The following GMDS variants were observed in gnomAD, a reference collection of about 807,000 sequenced individuals.
GMDS encodes the protein GDP-mannose 4,6-dehydratase, also known as GDP-mannose 4,6 dehydratase.
Under a neutral mutation model 49.9 loss-of-function variants are expected in GMDS, and 20 were observed. The ratio of observed to expected loss-of-function variants is 0.40; its 90% CI spans 0.28 to 0.58. The LOEUF (loss-of-function observed/expected upper bound fraction) is 0.58, where lower values mean the gene tolerates loss of function less well. Among genes scored for constraint, GMDS ranks in the 20% least tolerant of loss-of-function variants. GMDS has a pLI of 0.42. For synonymous variants in GMDS, 177 were observed against 178.6 expected, an observed-to-expected ratio of 0.99 and a Z score of 0.07; for missense variants, 362 against 481.4, an observed-to-expected ratio of 0.75 and a Z score of 2.32.
In GMDS at chr6:1,767,309, T is replaced by A. The variant is rs1004160865; in HGVS notation, c.772-24723A>T. 2.6e-5 allele frequency among the ~76,000 whole-genome samples: 4 copies of A among 152,128 alleles called. No homozygotes were observed. The East Asian group carries it at 5.8e-4, about 22-fold the overall frequency. Reference sequence around the variant, plus strand: ...TGTATAACAGAAACGACAACAACTCTTAAGTTTCAGTCATCAAGAATCAAG... The same window carrying A: ...TGTATAACAGAAACGACAACAACTCATAAGTTTCAGTCATCAAGAATCAAG... On this transcript the variant is annotated intron_variant, in intron 7 of 10. Transcript: ENST00000380815.
intron 7 of GMDS, among the ~76,000 whole-genome samples, chr6:1,869,729 C>T (rs1361763478): frequency 6.6e-6 from 1 of 152,176 alleles, no homozygotes; most frequent in East Asian, 1.9e-4. Context: ...AAAAAGAAAT[C>T]GGCACAGAAC....
chr6:2,155,010 G>A (rs979363382), intron 1 of GMDS, among the ~76,000 whole-genome samples: 6 of 151,770 alleles, frequency 4.0e-5, no homozygotes, highest in South Asian at 2.1e-4. Context: ...CCTTTAAAGA[G>A]GCTGATAACT....
chr6:1,857,657 T>A (rs990463884), intron 7 of GMDS, among the ~76,000 whole-genome samples: 2 of 152,222 alleles, frequency 1.3e-5, no homozygotes, highest in African/African-American at 4.8e-5. Context: ...AAAGGATGGA[T>A]GCTTCTACCT....
At chr6:1,765,137 C>T (rs1330785557) in intron 7 of GMDS, among the ~76,000 whole-genome samples, 1 of 151,686 alleles carries the variant, frequency 6.6e-6, no homozygotes, top group African/African-American at 2.4e-5. Context: ...CAAAACTAAA[C>T]CAAAAAGAAA....
intron 1 of GMDS, among the ~76,000 whole-genome samples, chr6:2,133,199 A>T (rs772725839): frequency 8.5e-5 from 13 of 152,290 alleles, no homozygotes; most frequent in Middle Eastern, 3.4e-3. Flanking sequence ...AAAAACTTTA[A>T]ATTTGGAAGG....
chr6:1,788,553 A>G (rs1255013212), intron 7 of GMDS, among the ~76,000 whole-genome samples: 1 of 152,200 alleles, frequency 6.6e-6, no homozygotes, highest in Non-Finnish European at 1.5e-5. Flanking sequence ...GAAGGGGAAC[A>G]ATAAGACCTG....
intron 9 of GMDS, among the ~76,000 whole-genome samples, chr6:1,650,662 G>A (rs994949144): frequency 6.6e-6 from 1 of 152,070 alleles, no homozygotes; most frequent in African/African-American, 2.4e-5. Flanking sequence ...TGCAACCTCC[G>A]CCTCCCAGGT....
At chr6:1,938,801 C>G (rs1452742912) in intron 6 of GMDS, among the ~76,000 whole-genome samples, 1 of 152,066 alleles carries the variant, frequency 6.6e-6, no homozygotes, top group East Asian at 1.9e-4. Context: ...ACTTTCTACT[C>G]TCTTAATTTC....
At chr6:2,174,588 G>A (rs1778180784) in intron 1 of GMDS, among the ~76,000 whole-genome samples, 1 of 151,594 alleles carries the variant, frequency 6.6e-6, no homozygotes, top group Non-Finnish European at 1.5e-5. Flanking sequence ...TTTAAATTGA[G>A]ACGGAGTCTT....
intron 4 of GMDS, among the ~76,000 whole-genome samples, chr6:1,994,806 T>A (rs542625337): frequency 3.3e-5 from 5 of 152,114 alleles, no homozygotes; most frequent in Non-Finnish European, 5.9e-5. Context: ...CACAACATAG[T>A]CCCACTTTTA....
intron 7 of GMDS, among the ~76,000 whole-genome samples, chr6:1,865,826 TCA>T (rs1375138465): frequency 1.3e-5 from 2 of 152,000 alleles, no homozygotes; most frequent in South Asian, 4.2e-4. Flanking sequence ...TTATATCTCC[TCA>T]CACCACAGGC....
At chr6:1,726,648 C>A in intron 8 of GMDS, 136 bp from the exon 9 acceptor site, 1 of 625,474 alleles carries the variant, frequency 1.6e-6, no homozygotes, top group Non-Finnish European at 2.9e-6. Context: ...CAGGCTGATG[C>A]TCCAGCTGAT....
intron 9 of GMDS, among the ~76,000 whole-genome samples, chr6:1,663,543 A>G (rs1764149137): frequency 2.0e-5 from 3 of 152,174 alleles, no homozygotes; most frequent in African/African-American, 7.2e-5. Flanking sequence ...GAATGCAAGT[A>G]CACGGCGGCC....
At chr6:2,015,645 C>T (rs1275212871) in intron 4 of GMDS, among the ~76,000 whole-genome samples, 1 of 151,968 alleles carries the variant, frequency 6.6e-6, no homozygotes, top group Non-Finnish European at 1.5e-5. Context: ...TAGAGCAGTC[C>T]CCCTTATCTG....
chr6:1,985,493 G>GA (rs1765491930), intron 4 of GMDS, among the ~76,000 whole-genome samples: 1 of 151,982 alleles, frequency 6.6e-6, no homozygotes. Context: ...ATAGCATTCT[G>GA]AAAATGACTT....
rs114777185 is a variant in GMDS at position 1,873,234 on chromosome 6, T to G, written c.771+56869A>C. ...AAGAGAAAAGGGTTATCTATACCAG[T>G]CCTAAAGATTATGATTATGCATTGC... On this transcript the variant is annotated intron_variant, in intron 7 of 10. Coordinates refer to ENST00000380815, the MANE Select transcript of GMDS (RefSeq NM_001500.4). Among the ~76,000 whole-genome samples the G allele has an allele frequency of 5.9e-3, 905 of 152,302 alleles. 7 individuals are homozygous for G. Among genetic ancestry groups the G allele is most frequent in the African/African-American group, 0.02 (851 of 41,556 alleles).
intron 7 of GMDS, among the ~76,000 whole-genome samples, chr6:1,897,645 T>C (rs1581323505): frequency 6.6e-6 from 1 of 152,226 alleles, no homozygotes; most frequent in African/African-American, 2.4e-5. Flanking sequence ...CTCAAACATT[T>C]ATCAGTTCTC....
chr6:1,656,305 GT>G (rs1336751319), intron 9 of GMDS, among the ~76,000 whole-genome samples: 2 of 152,156 alleles, frequency 1.3e-5, no homozygotes, highest in Non-Finnish European at 1.5e-5. Context: ...TCCAAAAATG[GT>G]TTTTGCCCTC....
At chr6:2,157,759 A>T (rs1277647515) in intron 1 of GMDS, among the ~76,000 whole-genome samples, 2 of 152,250 alleles carry the variant, frequency 1.3e-5, no homozygotes, top group African/African-American at 2.4e-5. Flanking sequence ...TTTGTGAAAG[A>T]GAGCCACAGG....
Sources: allele counts gnomAD v4.1 joint callset (sites outside exome capture counted in the v4.1 genomes callset), GRCh38; gene constraint gnomAD v4.1.1; transcripts MANE v1.5; gene names NCBI Gene and HGNC (gene_info 2026-07-23, HGNC 2026-07-21).